TAFA5: variants seen among roughly 807,000 people sequenced by gnomAD.
The protein encoded by TAFA5 is chemokine-like protein TAFA-5.
TAFA5 carries 6 observed loss-of-function variants against 15.3 expected under a neutral mutation model. The observed-to-expected ratio is 0.39, with a 90% CI of 0.21 to 0.77. The LOEUF (loss-of-function observed/expected upper bound fraction) is 0.77. TAFA5 is among the 30% of genes least tolerant of loss of function. TAFA5 has a pLI of 0.41. For synonymous variants in TAFA5, 103 were observed against 80.7 expected (o/e 1.28, Z -1.48); for missense variants, 161 against 193.1 (o/e 0.83, Z 0.98).
rs183455887 is a variant in TAFA5, at chr22:48,533,795, T to C, written c.112+44091T>C. Among the ~76,000 whole-genome samples, 14 of 152,266 alleles carry C rather than the reference T, an allele frequency of 9.2e-5. No homozygotes were observed. In the East Asian group the frequency reaches 2.7e-3, roughly 29 times the overall value. On this transcript the variant is annotated intron_variant, in intron 1 of 3. Coordinates refer to ENST00000402357, the MANE Select transcript of TAFA5 (RefSeq NM_001082967.3). ...CCTTTTTTTTTCCTTTTCCCACCTG[T>C]CCTTTCTTGCTGTACAGAGAAGCCA... is the stretch of plus-strand genomic sequence containing the variant.
At chr22:48,674,942 AG>A (rs1927924176) in intron 2 of TAFA5, among the ~76,000 whole-genome samples, 1 of 126,752 alleles carries the variant, frequency 7.9e-6, no homozygotes, top group African/African-American at 3.4e-5. Flanking sequence ...CTGTCTGGCC[AG>A]TTTTTTTTTT....
At chr22:48,614,825 G>C (rs898358552) in intron 1 of TAFA5, among the ~76,000 whole-genome samples, 3 of 152,192 alleles carry the variant, frequency 2.0e-5, no homozygotes, top group African/African-American at 7.2e-5. Flanking sequence ...GACAGATGTG[G>C]GGGCCGGGGT....
intron 1 of TAFA5, chr22:48,539,304 T>A (rs1049518873): frequency 4.3e-6 from 2 of 466,182 alleles, no homozygotes; most frequent in Non-Finnish European, 4.5e-6. Context: ...TAAATTGGTT[T>A]ATTTGCCAGA....
intron 1 of TAFA5, among the ~76,000 whole-genome samples, chr22:48,505,470 C>T (rs954033985): frequency 6.6e-6 from 1 of 152,186 alleles, no homozygotes; most frequent in Non-Finnish European, 1.5e-5. Context: ...TCTGTCTTAC[C>T]TGAGTGTGCC....
chr22:48,576,269 C>CCCCCTCCCCCCGCCCGCT (rs1284758049), intron 1 of TAFA5: 9 of 710,352 alleles, frequency 1.3e-5, no homozygotes, highest in Admixed American at 9.4e-5. Context: ...TCCGCGGCGC[C>CCCCCTCCCCCCGCCCGCT]CCCCTCCCCC....
chr22:48,520,101 G>A (rs1322169441), intron 1 of TAFA5, among the ~76,000 whole-genome samples: 1 of 152,250 alleles, frequency 6.6e-6, no homozygotes, highest in Non-Finnish European at 1.5e-5. Flanking sequence ...GGGGTGACGG[G>A]CCTGCTAGCC....
At chr22:48,606,526 A>G (rs1243288968) in intron 1 of TAFA5, among the ~76,000 whole-genome samples, 4 of 152,256 alleles carry the variant, frequency 2.6e-5, no homozygotes, top group Non-Finnish European at 5.9e-5. Context: ...ATTTGGGGAA[A>G]TGAGGATTTG....
Position 48,566,120 on chromosome 22 carries a change from G to C in TAFA5, c.112+76416G>C, listed in dbSNP as rs58975283. On this transcript the variant is annotated intron_variant, in intron 1 of 3. Transcript: ENST00000402357. The surrounding 1 kb of genome is among the most constrained non-coding windows in gnomAD (Gnocchi z 4.5). Reference sequence around the variant, plus strand: ...GGTGGATATGGATAGATAGATGATGGATGGATGGATGATGAATGGATGATG... The same window carrying C: ...GGTGGATATGGATAGATAGATGATGCATGGATGGATGATGAATGGATGATG... Among the ~76,000 whole-genome samples, 7,777 of 151,968 alleles carry C rather than the reference G, an allele frequency of 0.051. 575 individuals carry two copies. Among genetic ancestry groups the C allele is most frequent in the African/African-American group, 0.17 (6,837 of 41,412 alleles).
chr22:48,584,138 C>T (rs1228146091), intron 1 of TAFA5, among the ~76,000 whole-genome samples: 2 of 145,462 alleles, frequency 1.4e-5, no homozygotes, highest in Non-Finnish European at 3.0e-5. Context: ...CATGCACACA[C>T]CCCCCCACAA....
chr22:48,740,407 A>G (rs1260845512), intron 3 of TAFA5, among the ~76,000 whole-genome samples: 2 of 152,180 alleles, frequency 1.3e-5, no homozygotes, highest in Admixed American at 6.5e-5. Context: ...GTTTGCAGAT[A>G]AGACACAGCA....
At chr22:48,565,527 G>A (rs1923380497) in intron 1 of TAFA5, among the ~76,000 whole-genome samples, 1 of 152,236 alleles carries the variant, frequency 6.6e-6, no homozygotes, top group Admixed American at 6.5e-5. Context: ...CTGCCTGGCT[G>A]GTGCCAGCCT....
intron 1 of TAFA5, among the ~76,000 whole-genome samples, chr22:48,542,047 G>A (rs1166820897): frequency 6.6e-6 from 1 of 152,036 alleles, no homozygotes; most frequent in East Asian, 1.9e-4. Flanking sequence ...TGGAGGGGCC[G>A]GGGCGTGTGT....
intron 1 of TAFA5, among the ~76,000 whole-genome samples, chr22:48,589,685 G>C (rs531407625): frequency 3.9e-4 from 57 of 146,612 alleles, no homozygotes; most frequent in Non-Finnish European, 7.3e-4. Flanking sequence ...CCTTAGAAGA[G>C]AAGAGAAGCA....
At chr22:48,702,693 C>T (rs12160680) in intron 2 of TAFA5, among the ~76,000 whole-genome samples, 2 of 152,092 alleles carry the variant, frequency 1.3e-5, no homozygotes, top group African/African-American at 4.8e-5. Flanking sequence ...AGCCCCTGGG[C>T]ACGCCGCTTC....
At position 48,519,709 on chromosome 22, in the gene TAFA5, G is replaced by T. The variant is rs76295131; in HGVS notation, c.112+30005G>T. ...CTTCTTGGAGCCCTGGGCTCCTCAC[G>T]GGCAACTAGAGTGTTCTGAGCAGCT... On this transcript the variant is annotated intron_variant, in intron 1 of 3. Coordinates refer to ENST00000402357, the MANE Select transcript of TAFA5 (RefSeq NM_001082967.3). Among the ~76,000 whole-genome samples the T allele has an allele frequency of 3.3e-5, 5 of 152,256 alleles. No homozygotes were observed. In the South Asian group the frequency reaches 1.0e-3, roughly 32 times the overall value.
chr22:48,731,184 G>C (rs141837576), intron 3 of TAFA5, among the ~76,000 whole-genome samples: 3 of 152,192 alleles, frequency 2.0e-5, no homozygotes, highest in African/African-American at 7.2e-5. Flanking sequence ...CAACTCTCTC[G>C]AATTCTGTGA....
chr22:48,558,294 A>T (rs1020526706), intron 1 of TAFA5, among the ~76,000 whole-genome samples: 45 of 152,156 alleles, frequency 3.0e-4, no homozygotes, highest in African/African-American at 1.1e-3. Flanking sequence ...GCACACACTC[A>T]TTTGCTGTTG....
intron 1 of TAFA5, among the ~76,000 whole-genome samples, chr22:48,605,708 G>A (rs989609108): frequency 1.8e-4 from 27 of 152,298 alleles, no homozygotes; most frequent in African/African-American, 6.0e-4. Flanking sequence ...TTCAACTTGA[G>A]CCTGATTGAT....
intron 3 of TAFA5, among the ~76,000 whole-genome samples, chr22:48,734,559 C>G (rs1294133489): frequency 1.3e-5 from 2 of 152,264 alleles, no homozygotes; most frequent in Non-Finnish European, 2.9e-5. Context: ...CGGCTCTGGG[C>G]TTTGGGGCGG....
Sources: allele counts gnomAD v4.1 joint callset (sites outside exome capture counted in the v4.1 genomes callset), GRCh38; gene constraint gnomAD v4.1.1; non-coding constraint Gnocchi (gnomAD v3.1); transcripts MANE v1.5; gene names NCBI Gene and HGNC (gene_info 2026-07-23, HGNC 2026-07-21).